Variants in RGS6 observed in about 807,000 individuals in gnomAD.
The protein encoded by RGS6 is regulator of G protein signaling 6.
In RGS6, 30 loss-of-function variants were observed where a neutral mutation model predicts 78.5. That is an observed-to-expected ratio of 0.38 (90% CI 0.29 to 0.52). RGS6 has a LOEUF of 0.52. RGS6 is among the 20% of genes least tolerant of loss of function. The probability of loss-of-function intolerance (pLI) is 0.85; values close to 1 mark genes in which losing one functional copy is unlikely to be tolerated. For missense variants in RGS6, 495 were observed against 609.7 expected, an observed-to-expected ratio of 0.81 and a Z score of 1.98; for synonymous variants, 206 against 206.0, an observed-to-expected ratio of 1.00 and a Z score of 0.00.
chr14:72,420,465 C>T (rs138597697), intron 3 of RGS6, among the ~76,000 whole-genome samples: 1 of 152,300 alleles, frequency 6.6e-6, no homozygotes, highest in East Asian at 1.9e-4. Flanking sequence ...AATAACCAGT[C>T]ATCATTGCTG....
intron 2 of RGS6, among the ~76,000 whole-genome samples, chr14:72,280,190 T>TTA (rs908313461): frequency 4.6e-5 from 7 of 152,080 alleles, no homozygotes; most frequent in African/African-American, 1.7e-4. Context: ...TTTTTTTTTT[T>TTA]TATGGGAGCT....
intron 17 of RGS6, among the ~76,000 whole-genome samples, chr14:72,556,412 A>T (rs1192415700): frequency 3.3e-5 from 5 of 152,156 alleles, no homozygotes; most frequent in Non-Finnish European, 1.5e-5. Flanking sequence ...ACCTCCCACT[A>T]GTTCCCGCTC....
chr14:72,343,832 G>T (rs1166650154), intron 2 of RGS6, among the ~76,000 whole-genome samples: 1 of 152,162 alleles, frequency 6.6e-6, no homozygotes, highest in Non-Finnish European at 1.5e-5. Flanking sequence ...AGGAGTGATG[G>T]TTCCCAACAA....
chr14:72,521,162 C>T (rs56255322), intron 15 of RGS6, among the ~76,000 whole-genome samples: 1,683 of 152,232 alleles, frequency 0.011, 28 homozygotes, highest in African/African-American at 0.034. Context: ...TTTATTTAAC[C>T]GCTTGTTTCT....
At chr14:71,949,457 A>G (rs28776512) in intron 1 of RGS6, among the ~76,000 whole-genome samples, 3,505 of 151,754 alleles carry the variant, frequency 0.023, 134 homozygotes, top group African/African-American at 0.08. Flanking sequence ...TGCCACTTTT[A>G]TTTGTCTTTT....
chr14:72,454,244 T>C (rs1450998760), intron 3 of RGS6, among the ~76,000 whole-genome samples: 1 of 152,158 alleles, frequency 6.6e-6, no homozygotes, highest in Non-Finnish European at 1.5e-5. Flanking sequence ...AAGCTTCACC[T>C]AGCACGTCTC....
chr14:71,926,510 G>A, the RGS6 span, among the ~76,000 whole-genome samples: 1 of 150,742 alleles, frequency 6.6e-6, no homozygotes, highest in Non-Finnish European at 1.5e-5. Flanking sequence ...CTTGAACCCA[G>A]GAGGCGGAGG....
intron 3 of RGS6, among the ~76,000 whole-genome samples, chr14:72,362,472 A>G (rs2081637072): frequency 6.6e-6 from 1 of 152,226 alleles, no homozygotes; most frequent in Non-Finnish European, 1.5e-5. Flanking sequence ...CCATGAGGCC[A>G]TAGTCATCTG....
chr14:72,021,538 A>C (rs2088543752), intron 2 of RGS6, among the ~76,000 whole-genome samples: 1 of 135,688 alleles, frequency 7.4e-6, no homozygotes, highest in Non-Finnish European at 1.5e-5. Context: ...GCACGATCTC[A>C]GCTCACTGCA....
chr14:72,321,079 A>G (rs1164251471), intron 2 of RGS6, among the ~76,000 whole-genome samples: 1 of 151,670 alleles, frequency 6.6e-6, no homozygotes, highest in African/African-American at 2.4e-5. Context: ...AGTGCCTATT[A>G]ACCAAATTCA....
intron 3 of RGS6, among the ~76,000 whole-genome samples, chr14:72,384,458 A>G (rs2087218201): frequency 6.6e-6 from 1 of 152,248 alleles, no homozygotes; most frequent in Non-Finnish European, 1.5e-5. Context: ...AAGAAATTTT[A>G]GAAAATTTAA....
At chr14:72,045,462 G>A (rs762391101) in intron 2 of RGS6, among the ~76,000 whole-genome samples, 3 of 152,096 alleles carry the variant, frequency 2.0e-5, no homozygotes, top group African/African-American at 4.8e-5. Context: ...TTCCTCTGGC[G>A]TCATTGTTTC....
At chr14:72,342,218 A>G (rs1280012110) in intron 2 of RGS6, among the ~76,000 whole-genome samples, 1 of 148,644 alleles carries the variant, frequency 6.7e-6, no homozygotes, top group South Asian at 2.1e-4. Context: ...ATAAAAAAGG[A>G]TCTTTGTTTT....
At chr14:72,387,249 A>AT (rs2088405873) in intron 3 of RGS6, among the ~76,000 whole-genome samples, 1 of 152,222 alleles carries the variant, frequency 6.6e-6, no homozygotes. Context: ...TGGTTTCCTT[A>AT]TAAAAAAAAG....
the RGS6 span, among the ~76,000 whole-genome samples, chr14:72,604,698 G>A: frequency 3.9e-5 from 6 of 152,124 alleles, no homozygotes; most frequent in Non-Finnish European, 5.9e-5. Context: ...TCTGGGTGCT[G>A]GTACGACCCT....
intron 3 of RGS6, among the ~76,000 whole-genome samples, chr14:72,402,292 C>T (rs1419037588): frequency 6.6e-6 from 1 of 152,234 alleles, no homozygotes; most frequent in African/African-American, 2.4e-5. Context: ...CACAGAAGTA[C>T]TTCCTGCTTC....
chr14:72,364,720 C>T (rs2082147140), intron 3 of RGS6, among the ~76,000 whole-genome samples: 1 of 152,188 alleles, frequency 6.6e-6, no homozygotes, highest in Non-Finnish European at 1.5e-5. Flanking sequence ...TCCATACCTA[C>T]ATGTGACTTT....
In RGS6 at chr14:72,563,013, A is replaced by G; in HGVS notation, c.*546A>G. 1.8e-6 allele frequency: 1 copy of G among 555,418 alleles called. No individual in the cohort carries two copies. The highest frequency in any genetic ancestry group is 2.1e-5 in the South Asian group (1 of 47,106). 34.4% of individuals were successfully genotyped at this position (555,418 alleles called of 1,614,324 possible). ...CCGGGTGTCACTGCCAGCACCAGGC[A>G]CTGCTTTCACGTAAAATGTCCAAAT... On this transcript the variant is annotated 3_prime_UTR_variant, in exon 18 of 18. Coordinates refer to ENST00000553525, the MANE Select transcript of RGS6 (RefSeq NM_001204424.2).
the RGS6 span, among the ~76,000 whole-genome samples, chr14:72,626,872 G>C: frequency 1.3e-5 from 2 of 151,342 alleles, no homozygotes; most frequent in Admixed American, 1.3e-4. Flanking sequence ...TTGCCCATCT[G>C]ATAAGTAAGA....
Sources: allele counts gnomAD v4.1 joint callset (sites outside exome capture counted in the v4.1 genomes callset), GRCh38; gene constraint gnomAD v4.1.1; transcripts MANE v1.5; gene names NCBI Gene and HGNC (gene_info 2026-07-23, HGNC 2026-07-21).